SH3RF3: variants seen among roughly 807,000 people sequenced by gnomAD.
SH3RF3 encodes SH3 domain containing ring finger 3, also known as E3 ubiquitin-protein ligase SH3RF3.
A neutral mutation model predicts 66.3 loss-of-function variants in SH3RF3; 29 were observed. The ratio of observed to expected loss-of-function variants is 0.44; its 90% CI spans 0.33 to 0.60. The LOEUF is 0.60. Among genes scored for constraint, SH3RF3 ranks in the 20% least tolerant of loss-of-function variants. The probability of loss-of-function intolerance (pLI) is 0.04; values close to 1 mark genes in which losing one functional copy is unlikely to be tolerated. For synonymous variants in SH3RF3, 583 were observed against 532.0 expected (o/e 1.10, Z -1.32); for missense variants, 1,194 against 1,190.9 (o/e 1.00, Z -0.04).
At chr2:109,173,185 C>T (rs11123725) in intron 1 of SH3RF3, among the ~76,000 whole-genome samples, 39,785 of 151,950 alleles carry the variant, frequency 0.26, 5,542 homozygotes, top group East Asian at 0.42. Flanking sequence ...TCATGGAAAT[C>T]GAACACAGAC....
At chr2:109,207,423 G>T (rs1052962379) in intron 1 of SH3RF3, among the ~76,000 whole-genome samples, 1 of 152,110 alleles carries the variant, frequency 6.6e-6, no homozygotes, top group African/African-American at 2.4e-5. Context: ...AGAAGGCTTG[G>T]CAGTTTCGAT....
chr2:109,275,464 G>A (rs1048977231), intron 1 of SH3RF3, among the ~76,000 whole-genome samples: 2 of 152,206 alleles, frequency 1.3e-5, no homozygotes, highest in African/African-American at 4.8e-5. Flanking sequence ...GGCCAAGGCA[G>A]CAGCTTAATC....
chr2:109,500,310 A>C (rs995504226), intron 9 of SH3RF3, among the ~76,000 whole-genome samples: 38 of 152,178 alleles, frequency 2.5e-4, no homozygotes. Context: ...GGTCAGTGCC[A>C]CAGCTAAGTG....
chr2:109,406,621 C>T (rs1676459642), intron 4 of SH3RF3, among the ~76,000 whole-genome samples: 1 of 152,086 alleles, frequency 6.6e-6, no homozygotes, highest in Non-Finnish European at 1.5e-5. Flanking sequence ...CACACACGCC[C>T]ATTTGTATAT....
chr2:109,239,398 A>G (rs886573372), intron 1 of SH3RF3, among the ~76,000 whole-genome samples: 3 of 152,212 alleles, frequency 2.0e-5, no homozygotes, highest in Non-Finnish European at 2.9e-5. Context: ...AATGAACTGA[A>G]TAAGAATAAG....
chr2:109,499,619 G>A (rs1204953760), intron 9 of SH3RF3, among the ~76,000 whole-genome samples: 1 of 152,194 alleles, frequency 6.6e-6, no homozygotes, highest in Non-Finnish European at 1.5e-5. Flanking sequence ...TAAGCATAAG[G>A]GCCGAGGGCA....
intron 6 of SH3RF3, among the ~76,000 whole-genome samples, chr2:109,434,760 G>C (rs1273697072): frequency 6.6e-6 from 1 of 152,204 alleles, no homozygotes; most frequent in Non-Finnish European, 1.5e-5. Context: ...CCCCTCACAG[G>C]CCAGTCCCTG....
intron 1 of SH3RF3, among the ~76,000 whole-genome samples, chr2:109,215,947 C>T (rs766337934): frequency 2.0e-5 from 3 of 152,218 alleles, no homozygotes; most frequent in Non-Finnish European, 2.9e-5. Context: ...CCAGCGGCCA[C>T]GTGAGCTGGG....
chr2:109,312,625 G>A (rs977420252), intron 1 of SH3RF3, among the ~76,000 whole-genome samples: 1 of 152,164 alleles, frequency 6.6e-6, no homozygotes, highest in Non-Finnish European at 1.5e-5. Flanking sequence ...GGAATCATCC[G>A]ATACATGGCC....
chr2:109,233,811 G>T (rs1679579183), intron 1 of SH3RF3, among the ~76,000 whole-genome samples: 1 of 152,224 alleles, frequency 6.6e-6, no homozygotes, highest in South Asian at 2.1e-4. Context: ...AGAGTATGTA[G>T]CTCTTGAGTC....
At chr2:109,433,448 G>A (rs866745741) in intron 6 of SH3RF3, among the ~76,000 whole-genome samples, 1 of 152,246 alleles carries the variant, frequency 6.6e-6, no homozygotes, top group Non-Finnish European at 1.5e-5. Flanking sequence ...TCGCTGAGAT[G>A]AGGATCCACA....
chr2:109,426,606 A>C (rs1677033387), intron 5 of SH3RF3, among the ~76,000 whole-genome samples: 1 of 152,222 alleles, frequency 6.6e-6, no homozygotes, highest in Non-Finnish European at 1.5e-5. Flanking sequence ...CCTCCTGGTG[A>C]AGATGGTGGG....
intron 1 of SH3RF3, among the ~76,000 whole-genome samples, chr2:109,199,330 A>ATAAAATAAATAAAATAAATAAAATAAAAT (rs1558953522): frequency 1.3e-5 from 2 of 150,472 alleles, no homozygotes; most frequent in African/African-American, 4.9e-5. Flanking sequence ...TCAAAAAGTA[A>ATAAAATAAATAAAATAAATAAAATAAAAT]AATGGAATGG....
Position 109,322,937 on chromosome 2 carries a change from T to G in SH3RF3, c.574-24737T>G, listed in dbSNP as rs190113474. On this transcript the variant is annotated intron_variant, in intron 1 of 9. Transcript: ENST00000309415. ...GGCTTTTCCCTGGCTAGATTGGAAT[T>G]TAGTGAGAGTGGGCAGGCAATATAA... 2.0e-5 allele frequency among the ~76,000 whole-genome samples: 3 copies of G among 152,300 alleles called. No individual in the cohort carries two copies. The East Asian group carries it at 5.8e-4, about 29-fold the overall frequency.
chr2:109,394,878 G>A (rs934934442), intron 3 of SH3RF3, among the ~76,000 whole-genome samples: 1 of 152,242 alleles, frequency 6.6e-6, no homozygotes, highest in Non-Finnish European at 1.5e-5. Context: ...GCAGAGTGAG[G>A]AGCTGGGAAA....
At chr2:109,195,108 A>G (rs764731368) in intron 1 of SH3RF3, among the ~76,000 whole-genome samples, 2 of 152,226 alleles carry the variant, frequency 1.3e-5, no homozygotes, top group Non-Finnish European at 2.9e-5. Flanking sequence ...TTTTACACCT[A>G]TATTTGTAGC....
At chr2:109,239,317 G>T (rs974880127) in intron 1 of SH3RF3, among the ~76,000 whole-genome samples, 2 of 152,148 alleles carry the variant, frequency 1.3e-5, no homozygotes, top group African/African-American at 4.8e-5. Flanking sequence ...TTCCTAGGGG[G>T]CTATAGGAGT....
intron 1 of SH3RF3, among the ~76,000 whole-genome samples, chr2:109,155,076 C>T (rs1167669253): frequency 3.9e-5 from 6 of 152,124 alleles, no homozygotes; most frequent in South Asian, 2.1e-4. Context: ...CTCTGGCCTC[C>T]CTCCGGGCCA....
intron 1 of SH3RF3, among the ~76,000 whole-genome samples, chr2:109,155,374 C>G (rs1271453043): frequency 6.6e-6 from 1 of 152,196 alleles, no homozygotes; most frequent in African/African-American, 2.4e-5. Context: ...GATCTTGGCT[C>G]ACTGCAAGCT....
Sources: gnomAD v4.1 joint callset for allele counts (sites outside exome capture counted in the v4.1 genomes callset) on GRCh38, gnomAD v4.1.1 for gene constraint, MANE v1.5 for transcripts, NCBI Gene and HGNC (gene_info 2026-07-23, HGNC 2026-07-21) for gene names.